Variants in KCNT2 observed in about 807,000 individuals in gnomAD.
KCNT2 encodes potassium sodium-activated channel subfamily T member 2.
Under a neutral mutation model 153.8 loss-of-function variants are expected in KCNT2, and 67 were observed. The ratio of observed to expected loss-of-function variants is 0.44; its 90% CI spans 0.36 to 0.53. The LOEUF (loss-of-function observed/expected upper bound fraction) is 0.53, where lower values mean the gene tolerates loss of function less well. KCNT2 is among the 20% of genes least tolerant of loss of function. KCNT2 has a pLI of 0.00. For missense variants in KCNT2, 975 were observed against 1,354.8 expected (o/e 0.72, Z 4.40); for synonymous variants, 500 against 458.8 (o/e 1.09, Z -1.15).
At chr1:196,300,213 G>A (rs1661056746) in intron 22 of KCNT2, among the ~76,000 whole-genome samples, 2 of 152,238 alleles carry the variant, frequency 1.3e-5, no homozygotes, top group African/African-American at 4.8e-5. Flanking sequence ...ACAGAAGACA[G>A]TGGAAAAGGG....
intron 1 of KCNT2, among the ~76,000 whole-genome samples, chr1:196,512,943 T>C (rs936503930): frequency 6.6e-6 from 1 of 152,098 alleles, no homozygotes; most frequent in Non-Finnish European, 1.5e-5. Flanking sequence ...GAGTGATGTA[T>C]AGTGACACAG....
chr1:196,591,205 G>A lies in KCNT2; in HGVS notation c.95+17010C>T, dbSNP rs535312077. Among the ~76,000 whole-genome samples, 7 of 152,166 alleles carry A rather than the reference G, an allele frequency of 4.6e-5. No homozygotes were observed. The South Asian group carries it at 1.0e-3, about 23-fold the overall frequency. On this transcript the variant is annotated intron_variant, in intron 1 of 27. Transcript: ENST00000294725. ...CTCTGAGTTCACAAGAGAGTTGGTT[G>A]TTTAAAGAAGCCTGGCACCTCCTTT...
At chr1:196,599,069 T>C (rs1664415821) in intron 1 of KCNT2, among the ~76,000 whole-genome samples, 1 of 152,238 alleles carries the variant, frequency 6.6e-6, no homozygotes, top group Non-Finnish European at 1.5e-5. Flanking sequence ...GGTGTGGCAG[T>C]GACAGAAGTC....
chr1:196,462,174 C>T (rs899631175), intron 8 of KCNT2, among the ~76,000 whole-genome samples: 1 of 151,672 alleles, frequency 6.6e-6, no homozygotes, highest in African/African-American at 2.4e-5. Context: ...AGAACAGTTA[C>T]TTCCCTCTCT....
rs1174131733 is a variant in KCNT2, at chr1:196,596,056, GTATATATATATA to G, written c.95+12147_95+12158del. On this transcript the variant is annotated intron_variant, in intron 1 of 27. Coordinates refer to ENST00000294725, the MANE Select transcript of KCNT2 (RefSeq NM_198503.5). ...ATGGCTGAGTTGTATTCCATGATGT[GTATATATATATA>G]TATATATATATATATATATATATAT... is the stretch of plus-strand genomic sequence containing the variant. 4.1e-3 allele frequency among the ~76,000 whole-genome samples: 18 copies of G among 4,346 alleles called. 1 individual carries two copies. The highest frequency in any genetic ancestry group is 4.7e-3 in the Admixed American group (1 of 214). 2.9% of individuals were successfully genotyped at this position (4,346 alleles called of 152,430 possible). A position where few individuals can be genotyped will look rare whatever the true frequency, so the allele number is the denominator to read the frequency against.
intron 21 of KCNT2, among the ~76,000 whole-genome samples, chr1:196,311,605 A>G (rs1662187972): frequency 6.6e-6 from 1 of 151,832 alleles, no homozygotes; most frequent in South Asian, 2.1e-4. Flanking sequence ...CTGGACTTTT[A>G]CCATACAAAT....
chr1:196,443,809 C>T (rs1159281921), intron 8 of KCNT2, among the ~76,000 whole-genome samples: 10 of 151,530 alleles, frequency 6.6e-5, no homozygotes, highest in Non-Finnish European at 1.5e-4. Flanking sequence ...GGGCACAGAA[C>T]TATTGACACT....
At chr1:196,297,868 C>T (rs1289539645) in intron 22 of KCNT2, among the ~76,000 whole-genome samples, 1 of 152,072 alleles carries the variant, frequency 6.6e-6, no homozygotes, top group African/African-American at 2.4e-5. Flanking sequence ...CTGTGTCACC[C>T]ATCATATTAT....
At chr1:196,555,811 C>A (rs1345449738) in intron 1 of KCNT2, among the ~76,000 whole-genome samples, 1 of 151,038 alleles carries the variant, frequency 6.6e-6, no homozygotes, top group African/African-American at 2.4e-5. Context: ...GACACACAGA[C>A]CAATGGAAAA....
intron 20 of KCNT2, chr1:196,317,366 C>T (rs962380653): frequency 2.7e-5 from 9 of 338,372 alleles, no homozygotes; most frequent in South Asian, 1.3e-4. Flanking sequence ...AGTTTAAATG[C>T]CTAGGGATAC....
chr1:196,228,406 T>A, intron 27 of KCNT2, 71 bp from the exon 28 acceptor site: 1 of 750,896 alleles, frequency 1.3e-6, no homozygotes, highest in Non-Finnish European at 2.2e-6. Context: ...CACTGACACT[T>A]CATATTTCTA....
At chr1:196,310,216 T>C (rs1662029573) in intron 21 of KCNT2, among the ~76,000 whole-genome samples, 1 of 151,852 alleles carries the variant, frequency 6.6e-6, no homozygotes, top group African/African-American at 2.4e-5. Flanking sequence ...TGATTTGCCA[T>C]GGTAGCTGGA....
rs1663186524 is a variant in KCNT2, at chr1:196,590,266, T to C, written c.95+17949A>G. Among the ~76,000 whole-genome samples the C allele has an allele frequency of 6.6e-5, 10 of 152,258 alleles. No individual in the cohort carries two copies. The South Asian group carries it at 2.1e-3, about 32-fold the overall frequency. On this transcript the variant is annotated intron_variant, in intron 1 of 27. Transcript: ENST00000294725. The stretch of plus-strand genomic sequence containing the variant: ...GTATAGCTGTTCTTCACACAAGGCA[T>C]TTAAAATATGCCAAATGAGCAAAAA...
intron 1 of KCNT2, among the ~76,000 whole-genome samples, chr1:196,526,792 G>A (rs1654278455): frequency 6.6e-6 from 1 of 152,018 alleles, no homozygotes; most frequent in African/African-American, 2.4e-5. Flanking sequence ...GTTCTTGTCT[G>A]TTCCTTAAAT....
At chr1:196,278,711 A>G (rs1358830432) in intron 25 of KCNT2, among the ~76,000 whole-genome samples, 2 of 152,312 alleles carry the variant, frequency 1.3e-5, no homozygotes, top group African/African-American at 2.4e-5. Flanking sequence ...AATTTACTGC[A>G]TTACAATTCC....
At chr1:196,476,892 G>C (rs755597391) in intron 5 of KCNT2, among the ~76,000 whole-genome samples, 4 of 151,986 alleles carry the variant, frequency 2.6e-5, no homozygotes, top group Non-Finnish European at 5.9e-5. Flanking sequence ...ACACTCAATT[G>C]TATTCCATTA....
intron 1 of KCNT2, among the ~76,000 whole-genome samples, chr1:196,569,832 G>A (rs552863845): frequency 1.3e-5 from 2 of 152,054 alleles, no homozygotes; most frequent in Non-Finnish European, 2.9e-5. Flanking sequence ...TGGAAAGAAA[G>A]CTAAAAGACT....
intron 1 of KCNT2, among the ~76,000 whole-genome samples, chr1:196,497,627 T>C (rs777548192): frequency 6.6e-6 from 1 of 152,162 alleles, no homozygotes; most frequent in African/African-American, 2.4e-5. Flanking sequence ...TTTGTTGATA[T>C]TGGGATTGCT....
At chr1:196,549,889 G>T (rs1172185928) in intron 1 of KCNT2, among the ~76,000 whole-genome samples, 1 of 151,848 alleles carries the variant, frequency 6.6e-6, no homozygotes, top group East Asian at 1.9e-4. Context: ...GAAATCTCAT[G>T]GGCTCTAAGT....
Sources: allele counts gnomAD v4.1 joint callset (sites outside exome capture counted in the v4.1 genomes callset), GRCh38; gene constraint gnomAD v4.1.1; transcripts MANE v1.5; gene names NCBI Gene and HGNC (gene_info 2026-07-23, HGNC 2026-07-21).